The following DNAH7 variants were observed in gnomAD, a reference collection of about 807,000 sequenced individuals.
DNAH7 encodes dynein axonemal heavy chain 7.
In DNAH7, 397 loss-of-function variants were observed where a neutral mutation model predicts 444.6. The ratio of observed to expected loss-of-function variants is 0.89; its 90% CI spans 0.82 to 0.97. DNAH7 has a LOEUF of 0.97. Ranked by LOEUF, DNAH7 falls within the 50% of genes least tolerant of loss-of-function variation. The probability of loss-of-function intolerance (pLI) is 0.00; values close to 1 mark genes in which losing one functional copy is unlikely to be tolerated. For synonymous variants in DNAH7, 1,636 were observed against 1,624.4 expected (o/e 1.01, Z -0.17); for missense variants, 4,902 against 4,800.8 (o/e 1.02, Z -0.62).
chr2:196,001,266 T>C (rs1694018344), intron 11 of DNAH7, among the ~76,000 whole-genome samples: 1 of 152,240 alleles, frequency 6.6e-6, no homozygotes, highest in African/African-American at 2.4e-5. Flanking sequence ...TCATGGTAAC[T>C]TTCTCCAGCC....
At chr2:196,040,296 G>A (rs549476351) in intron 5 of DNAH7, among the ~76,000 whole-genome samples, 22 of 152,108 alleles carry the variant, frequency 1.4e-4, no homozygotes, top group African/African-American at 4.8e-4. Flanking sequence ...CAATATTCCT[G>A]AGGAACATAG....
At chr2:195,776,929 C>CT (rs1695091545) in intron 59 of DNAH7, among the ~76,000 whole-genome samples, 1 of 152,246 alleles carries the variant, frequency 6.6e-6, no homozygotes, top group African/African-American at 2.4e-5. Flanking sequence ...CTTCATCTTG[C>CT]TTTTTTCTCA....
At chr2:195,743,095 T>C (rs1287780582) in intron 63 of DNAH7, among the ~76,000 whole-genome samples, 3 of 152,202 alleles carry the variant, frequency 2.0e-5, no homozygotes, top group African/African-American at 4.8e-5. Context: ...CTTTCTCCCA[T>C]GCTGGATGCT....
rs372195820 is a variant in DNAH7 at position 195,824,353 on chromosome 2, G to A, written c.9193C>T (p.Arg3065Trp). 159 of 1,613,582 alleles carry A rather than the reference G, an allele frequency of 9.9e-5. No individual in the cohort carries two copies. Among genetic ancestry groups the A allele is most frequent in the Middle Eastern group, 3.3e-4 (2 of 6,082 alleles). ...TFKQGGSTCIRLGDSTIEYAP... is the reference protein window; with the variant it reads ...TFKQGGSTCIWLGDSTIEYAP... ...TATTCAATTGTGGAGTCCCCAAGCC[G>A]GATACATGTACTCCCACCCTGCTTA... Residue 3065 changes from arginine to tryptophan, a missense_variant, in exon 49 of 65, where the codon CGG (arginine) becomes TGG (tryptophan). Physicochemically the swap from Arg to Trp is moderately radical, Grantham distance 101 (BLOSUM62 -3). Coordinates refer to ENST00000312428, the MANE Select transcript of DNAH7 (RefSeq NM_018897.3).
At chr2:195,888,686 C>T (rs1460613089) in intron 32 of DNAH7, 113 bp downstream of exon 32, 2 of 1,145,722 alleles carry the variant, frequency 1.7e-6, no homozygotes, top group African/African-American at 3.1e-5. Context: ...TCACAGATCG[C>T]TCTTAAAAGA....
At chr2:195,778,637 T>TAA (rs1296291397) in intron 58 of DNAH7, among the ~76,000 whole-genome samples, 2 of 36,108 alleles carry the variant, frequency 5.5e-5, no homozygotes, top group South Asian at 1.0e-3. Flanking sequence ...AAAAAATAAA[T>TAA]AAATAAATAT....
chr2:195,769,290 T>C (rs977119559), intron 61 of DNAH7, among the ~76,000 whole-genome samples: 3 of 151,764 alleles, frequency 2.0e-5, no homozygotes, highest in African/African-American at 7.3e-5. Flanking sequence ...CTCGAATTCC[T>C]GGGCTCAAAC....
intron 59 of DNAH7, 133 bp from the exon 60 acceptor site, chr2:195,776,116 T>C: frequency 8.8e-7 from 1 of 1,131,052 alleles, no homozygotes; most frequent in Admixed American, 2.8e-5. Context: ...ATTGAGTGCT[T>C]TCACTTTCTT....
At chr2:195,931,582 C>T (rs1286112197) in intron 21 of DNAH7, among the ~76,000 whole-genome samples, 1 of 151,698 alleles carries the variant, frequency 6.6e-6, no homozygotes, top group African/African-American at 2.4e-5. Flanking sequence ...TTTAATCCAT[C>T]TTGAATTAAT....
chr2:195,763,919 T>G (rs1694457394), intron 61 of DNAH7, among the ~76,000 whole-genome samples: 1 of 151,386 alleles, frequency 6.6e-6, no homozygotes, highest in African/African-American at 2.4e-5. Context: ...CAAAGACATA[T>G]CAAACAAAGA....
rs1694855819 is a variant in DNAH7, at chr2:195,771,828, G to A, written c.11265C>T (p.Asp3755=). 3 of 1,614,172 alleles carry A rather than the reference G, an allele frequency of 1.9e-6. No homozygotes were observed. Among genetic ancestry groups the A allele is most frequent in the Non-Finnish European group, 1.7e-6 (2 of 1,180,026 alleles). ...SDEVVNEVAS[D]ILGKLPNNFD... ...AGTTGTTTGGAAGTTTGCCCAAGAT[G>A]TCACTAGCGACCTCATTCACTACTT... Residue 3755 remains aspartate, a synonymous_variant, in exon 61 of 65, where the codon GAC becomes GAT. Coordinates refer to ENST00000312428, the MANE Select transcript of DNAH7 (RefSeq NM_018897.3).
chr2:195,897,612 T>G, intron 29 of DNAH7, 55 bp downstream of exon 29: 3 of 1,017,064 alleles, frequency 2.9e-6, no homozygotes, highest in East Asian at 4.8e-5. Flanking sequence ...CTTAGACATG[T>G]GATAAATACA....
intron 27 of DNAH7, among the ~76,000 whole-genome samples, chr2:195,906,084 A>T (rs1186459168): frequency 6.6e-6 from 1 of 152,058 alleles, no homozygotes; most frequent in East Asian, 1.9e-4. Flanking sequence ...TATAATATTA[A>T]CGTGAAAAAA....
At chr2:195,794,584 G>A (rs1433195803) in intron 56 of DNAH7, 46 bp from the exon 57 acceptor site, 1 of 1,575,240 alleles carries the variant, frequency 6.3e-7, no homozygotes, top group Non-Finnish European at 8.7e-7. Context: ...AAAACCCAAA[G>A]AAAATCTCAA....
intron 56 of DNAH7, among the ~76,000 whole-genome samples, chr2:195,796,074 C>T (rs1003500428): frequency 3.3e-5 from 5 of 152,240 alleles, no homozygotes; most frequent in South Asian, 2.1e-4. Flanking sequence ...GGAAGTCCCA[C>T]GACCCACTGC....
chr2:195,901,573 A>G (rs1313770526), intron 27 of DNAH7: 1 of 152,136 alleles, frequency 6.6e-6, no homozygotes, highest in African/African-American at 2.4e-5. Flanking sequence ...GATGTTCAAA[A>G]GTTGGGTTTC....
chr2:195,824,356 T>C lies in DNAH7; in HGVS notation c.9190A>G (p.Ile3064Val). Residue 3064 changes from isoleucine (I) to valine (V), a missense_variant, in exon 49 of 65, where the codon ATC becomes GTC. By Grantham distance (29) the Ile-to-Val change is conservative. Transcript: ENST00000312428. ...QTFKQGGSTC[I>V]RLGDSTIEYA... The stretch of plus-strand genomic sequence containing the variant: ...TCAATTGTGGAGTCCCCAAGCCGGA[T>C]ACATGTACTCCCACCCTGCTTAAAG... The C allele has an allele frequency of 6.2e-7, 1 of 1,613,998 alleles. No homozygotes were observed. The highest frequency in any genetic ancestry group is 8.5e-7 in the Non-Finnish European group (1 of 1,179,924).
Position 195,864,627 on chromosome 2 carries a change from C to T in DNAH7, c.7028G>A (p.Gly2343Glu). 6.2e-7 allele frequency: 1 copy of T among 1,614,212 alleles called. No homozygotes were observed. The change falls in exon 41 of 65, where the codon GGA (glycine) becomes GAA (glutamate). Residue 2343 changes from glycine (G) to glutamate (E), a missense_variant. Coordinates refer to ENST00000312428, the MANE Select transcript of DNAH7 (RefSeq NM_018897.3). ...PRSHALLVGV[G>E]GSGRQSVTRL... is the part of the protein sequence containing the mutation. ...GGTGACAGACTGCCTTCCACTCCCT[C>T]CAACCCCTACTAGGAGAGCATGGCT...
intron 45 of DNAH7, among the ~76,000 whole-genome samples, chr2:195,855,228 T>A (rs930517842): frequency 2.0e-5 from 3 of 152,256 alleles, no homozygotes; most frequent in Non-Finnish European, 4.4e-5. Flanking sequence ...TGTTATAAAA[T>A]ATTATGAATT....
Sources: allele counts gnomAD v4.1 joint callset (sites outside exome capture counted in the v4.1 genomes callset), GRCh38; gene constraint gnomAD v4.1.1; transcripts MANE v1.5; gene names NCBI Gene and HGNC (gene_info 2026-07-23, HGNC 2026-07-21).